Variants in PRUNE2 observed in about 807,000 individuals in gnomAD.
PRUNE2 encodes protein prune homolog 2.
In PRUNE2, 164 loss-of-function variants were observed where a neutral mutation model predicts 252.0. That is an observed-to-expected ratio of 0.65 (90% CI 0.57 to 0.74). The LOEUF (loss-of-function observed/expected upper bound fraction) is 0.74. Ranked by LOEUF, PRUNE2 falls within the 30% of genes least tolerant of loss-of-function variation. The pLI is 0.00. For synonymous variants in PRUNE2, 1,292 were observed against 1,350.2 expected (o/e 0.96, Z 0.94); for missense variants, 3,495 against 3,711.0 (o/e 0.94, Z 1.51).
chr9:76,640,991 G>A (rs560806160), intron 12 of PRUNE2, among the ~76,000 whole-genome samples: 37 of 152,030 alleles, frequency 2.4e-4, no homozygotes, highest in African/African-American at 5.8e-4. Context: ...AATTTTTTTC[G>A]AAAGGGAAAG....
At chr9:76,629,579 T>C (rs1312177807) in intron 15 of PRUNE2, among the ~76,000 whole-genome samples, 1 of 151,394 alleles carries the variant, frequency 6.6e-6, no homozygotes, top group Non-Finnish European at 1.5e-5. Flanking sequence ...TGAGCTAATT[T>C]ACGTATGTAT....
At chr9:76,648,182 G>A (rs904197093) in intron 11 of PRUNE2, among the ~76,000 whole-genome samples, 1 of 152,180 alleles carries the variant, frequency 6.6e-6, no homozygotes, top group African/African-American at 2.4e-5. Flanking sequence ...ATGCTGGTGA[G>A]AATGCAAAGC....
intron 4 of PRUNE2, among the ~76,000 whole-genome samples, chr9:76,835,737 C>G (rs1589475168): frequency 6.6e-6 from 1 of 151,914 alleles, no homozygotes; most frequent in Admixed American, 6.6e-5. Context: ...ACTCTTTGGG[C>G]AAGAGAGAGA....
intron 1 of PRUNE2, among the ~76,000 whole-genome samples, chr9:76,893,463 C>T (rs575086759): frequency 6.6e-6 from 1 of 152,316 alleles, no homozygotes; most frequent in African/African-American, 2.4e-5. Flanking sequence ...AGAGTGTACC[C>T]AGGGTGACAT....
At position 76,709,703 on chromosome 9, in the gene PRUNE2, G is replaced by T; in HGVS notation, c.2571C>A (p.Asn857Lys). The T allele has an allele frequency of 6.2e-7, 1 of 1,613,954 alleles. No individual in the cohort carries two copies. The highest frequency in any genetic ancestry group is 8.5e-7 in the Non-Finnish European group (1 of 1,179,880). Reference sequence around the variant, plus strand: ...CCCAGATTTCTGGAGCTGCTTCATTGTTTATCTCACTGGGTGAATTGTCCA... The same window carrying T: ...CCCAGATTTCTGGAGCTGCTTCATTTTTTATCTCACTGGGTGAATTGTCCA... ...ELLDNSPSEI[N>K]NEAAPEIWGK... The change falls in exon 8 of 19, where the codon AAC becomes AAA. Residue 857 changes from asparagine to lysine, a missense_variant. Transcript: ENST00000376718.
At chr9:76,768,581 GTA>G (rs59939233) in intron 6 of PRUNE2, among the ~76,000 whole-genome samples, 24,401 of 103,250 alleles carry the variant, frequency 0.24, 2,065 homozygotes, top group East Asian at 0.34. Flanking sequence ...ATATGTATAT[GTA>G]TGTGTGTGTG....
At chr9:76,860,764 C>CA (rs1330569314) in intron 1 of PRUNE2, among the ~76,000 whole-genome samples, 1 of 151,996 alleles carries the variant, frequency 6.6e-6, no homozygotes, top group African/African-American at 2.4e-5. Context: ...CATTTCTAAC[C>CA]AAAAAAATGA....
At chr9:76,766,340 A>G (rs1360984131) in intron 6 of PRUNE2, among the ~76,000 whole-genome samples, 1 of 152,112 alleles carries the variant, frequency 6.6e-6, no homozygotes, top group African/African-American at 2.4e-5. Flanking sequence ...TAATGACAGC[A>G]TTGAGTGGGT....
At position 76,774,469 on chromosome 9, in the gene PRUNE2, T is replaced by TATTTATTTA. The variant is rs1172601108; in HGVS notation, c.756+49162_756+49163insTAAATAAAT. 1.5e-3 allele frequency among the ~76,000 whole-genome samples: 204 copies of TATTTATTTA among 140,138 alleles called. 5 individuals carry two copies. Among genetic ancestry groups the TATTTATTTA allele is most frequent in the Admixed American group, 5.0e-3 (70 of 13,898 alleles). The allele number at this position is 140,138 out of a possible 152,430, so 91.9% of individuals were successfully genotyped here. ...TCAACCCTTTTTTTTTTTTTTTTTTTTTTTTTTTGAGATGGAGTCTCACTT... is the reference window on the plus strand; with the variant it reads ...TCAACCCTTTTTTTTTTTTTTTTTTTATTTATTTATTTTTTTTGAGATGGAGTCTCACTT... On this transcript the variant is annotated intron_variant, in intron 6 of 18. Transcript: ENST00000376718.
intron 12 of PRUNE2, among the ~76,000 whole-genome samples, chr9:76,642,902 C>T (rs1843171505): frequency 6.6e-6 from 1 of 152,162 alleles, no homozygotes; most frequent in Admixed American, 6.5e-5. Context: ...AGGGCCAAGG[C>T]AGGGCTGGGG....
intron 6 of PRUNE2, among the ~76,000 whole-genome samples, chr9:76,756,367 A>G (rs2130599193): frequency 6.6e-6 from 1 of 152,338 alleles, no homozygotes; most frequent in Admixed American, 6.5e-5. Context: ...AAGCTGGCCT[A>G]AACCAGTCCC....
chr9:76,894,562 C>G (rs1199472969), intron 1 of PRUNE2, among the ~76,000 whole-genome samples: 1 of 152,150 alleles, frequency 6.6e-6, no homozygotes, highest in African/African-American at 2.4e-5. Flanking sequence ...TGGCCAGCAC[C>G]ACTGACCACT....
At chr9:76,680,239 A>G (rs1187350163) in intron 9 of PRUNE2, among the ~76,000 whole-genome samples, 2 of 152,240 alleles carry the variant, frequency 1.3e-5, no homozygotes, top group African/African-American at 4.8e-5. Flanking sequence ...CAAATGGCCA[A>G]CGAGCATATG....
chr9:76,705,501 T>G lies in PRUNE2; in HGVS notation c.6773A>C (p.Glu2258Ala). The G allele has an allele frequency of 6.2e-7, 1 of 1,614,022 alleles. No individual in the cohort carries two copies. Among genetic ancestry groups the G allele is most frequent in the South Asian group, 1.1e-5 (1 of 91,088 alleles). The change falls in exon 8 of 19, where the codon GAA becomes GCA. Residue 2258 changes from glutamate (E) to alanine (A), a missense_variant. Coordinates refer to ENST00000376718, the MANE Select transcript of PRUNE2 (RefSeq NM_015225.3). ...CAAAGCTCTTGCACCAGGCTGACTTTCAGGAGAAAAGCTGTCTGATATCCA... is the reference window on the plus strand; with the variant it reads ...CAAAGCTCTTGCACCAGGCTGACTTGCAGGAGAAAAGCTGTCTGATATCCA... ...GSWISDSFSP[E>A]SQPGARALFD...
rs374362125 is a variant in PRUNE2, at chr9:76,704,918, T to C, written c.7356A>G (p.Gly2452=). ...NQAETKNRLP[G]SQLAVLHIRE... is the part of the protein sequence containing the mutation. ...GAATATGCAGCACAGCCAGCTGGGA[T>C]CCAGGCAGTCTGTTTTTGGTCTCAG... The change falls in exon 8 of 19, where the codon GGA becomes GGG. Residue 2452 remains glycine (G), a synonymous_variant. Coordinates refer to ENST00000376718, the MANE Select transcript of PRUNE2 (RefSeq NM_015225.3). 3 of 1,611,938 alleles carry C rather than the reference T, an allele frequency of 1.9e-6. No homozygotes were observed. The highest frequency in any genetic ancestry group is 2.5e-6 in the Non-Finnish European group (3 of 1,178,898).
intron 9 of PRUNE2, among the ~76,000 whole-genome samples, chr9:76,667,210 T>C (rs2040375692): frequency 6.6e-6 from 1 of 152,188 alleles, no homozygotes; most frequent in Non-Finnish European, 1.5e-5. Context: ...GTGGCACATA[T>C]TGTGCTCTCT....
At chr9:76,714,127 A>AT (rs1182295803) in intron 6 of PRUNE2, among the ~76,000 whole-genome samples, 1 of 151,946 alleles carries the variant, frequency 6.6e-6, no homozygotes, top group Non-Finnish European at 1.5e-5. Context: ...TTCTTCCTGT[A>AT]TTTTTTTTCT....
At chr9:76,885,966 T>C (rs1271942456) in intron 1 of PRUNE2, among the ~76,000 whole-genome samples, 1 of 150,948 alleles carries the variant, frequency 6.6e-6, no homozygotes, top group Non-Finnish European at 1.5e-5. Flanking sequence ...GATCACGAGG[T>C]CAAGAGATCA....
intron 6 of PRUNE2, among the ~76,000 whole-genome samples, chr9:76,818,665 G>A (rs1008632629): frequency 2.0e-5 from 3 of 152,148 alleles, no homozygotes; most frequent in Non-Finnish European, 4.4e-5. Context: ...CTGAAGAAAG[G>A]AGATAAAATG....
Sources: gnomAD v4.1 joint callset for allele counts (sites outside exome capture counted in the v4.1 genomes callset) on GRCh38, gnomAD v4.1.1 for gene constraint, MANE v1.5 for transcripts, NCBI Gene and HGNC (gene_info 2026-07-23, HGNC 2026-07-21) for gene names.